The following SMAP1 variants were observed in gnomAD, a reference collection of about 807,000 sequenced individuals.
SMAP1 encodes small ArfGAP 1.
A neutral mutation model predicts 58.5 loss-of-function variants in SMAP1; 24 were observed. The observed-to-expected ratio is 0.41, with a 90% CI of 0.30 to 0.58. The LOEUF is 0.58. Among genes scored for constraint, SMAP1 ranks in the 20% least tolerant of loss-of-function variants. The probability of loss-of-function intolerance (pLI) is 0.29; values close to 1 mark genes in which losing one functional copy is unlikely to be tolerated. For missense variants in SMAP1, 563 were observed against 566.3 expected, an observed-to-expected ratio of 0.99 and a Z score of 0.06; for synonymous variants, 216 against 196.6, an observed-to-expected ratio of 1.10 and a Z score of -0.82.
intron 3 of SMAP1, among the ~76,000 whole-genome samples, chr6:70,758,460 T>G (rs1018552516): frequency 6.6e-6 from 1 of 151,554 alleles, no homozygotes; most frequent in Non-Finnish European, 1.5e-5. Flanking sequence ...GCATGGCACA[T>G]GTATACATAT....
chr6:70,708,551 A>G (rs943027092), intron 1 of SMAP1, among the ~76,000 whole-genome samples: 16 of 152,182 alleles, frequency 1.1e-4, no homozygotes, highest in Admixed American at 2.6e-4. Context: ...ACTCCTTTCC[A>G]TAATAGCTGT....
chr6:70,830,898 A>T (rs1770331278), intron 6 of SMAP1, among the ~76,000 whole-genome samples: 1 of 152,228 alleles, frequency 6.6e-6, no homozygotes. Context: ...CAGGATTTTT[A>T]GCATGTACAC....
intron 4 of SMAP1, among the ~76,000 whole-genome samples, chr6:70,779,013 G>A (rs1481066043): frequency 6.6e-6 from 1 of 152,244 alleles, no homozygotes; most frequent in Non-Finnish European, 1.5e-5. Flanking sequence ...ATTTGCATTG[G>A]TGTCCCAGGC....
chr6:70,769,214 A>G lies in SMAP1; in HGVS notation c.339-4136A>G, dbSNP rs546327698. Among the ~76,000 whole-genome samples the G allele has an allele frequency of 3.9e-3, 590 of 152,254 alleles. 6 individuals are homozygous for G. The highest frequency in any genetic ancestry group is 0.014 in the African/African-American group (572 of 41,548). On this transcript the variant is annotated intron_variant, in intron 3 of 10. Transcript: ENST00000370455. ...AATAGGTGTGGTGTGGTGCTGAAAA[A>G]AATGTATATTCTGTTGATCTGGGGT...
Position 70,715,051 on chromosome 6 carries a change from A to G in SMAP1, c.119-17327A>G, listed in dbSNP as rs537696990. ...ATCCTCTCTGTCTTTAATTTTTGAC[A>G]ATTTGATGATAATGTATTGTCTCTG... On this transcript the variant is annotated intron_variant, in intron 1 of 10. Coordinates refer to ENST00000370455, the MANE Select transcript of SMAP1 (RefSeq NM_001044305.3). 5.9e-4 allele frequency among the ~76,000 whole-genome samples: 89 copies of G among 149,822 alleles called. 1 individual carries two copies. The highest frequency in any genetic ancestry group is 2.2e-3 in the African/African-American group (89 of 40,940).
intron 1 of SMAP1, chr6:70,694,310 G>C (rs905836057): frequency 3.0e-5 from 5 of 168,494 alleles, no homozygotes; most frequent in South Asian, 1.5e-4. Context: ...CAGCAGATCA[G>C]ATTATATCTT....
At chr6:70,855,147 G>GC (rs1771359978) in intron 8 of SMAP1, among the ~76,000 whole-genome samples, 1 of 148,244 alleles carries the variant, frequency 6.7e-6, no homozygotes. Flanking sequence ...GCTAAGTCCT[G>GC]TTTTTTCTTG....
chr6:70,738,357 G>A (rs775842557), intron 2 of SMAP1, among the ~76,000 whole-genome samples: 7 of 151,880 alleles, frequency 4.6e-5, no homozygotes, highest in Non-Finnish European at 7.4e-5. Context: ...AGTCAAAAGA[G>A]TGTGAAAAGA....
intron 6 of SMAP1, among the ~76,000 whole-genome samples, chr6:70,821,201 A>C (rs1769875557): frequency 6.6e-6 from 1 of 152,180 alleles, no homozygotes; most frequent in Non-Finnish European, 1.5e-5. Flanking sequence ...GTTTCATGTA[A>C]ATGTAATCAT....
chr6:70,724,069 C>T (rs1010883133), intron 1 of SMAP1, among the ~76,000 whole-genome samples: 1 of 150,448 alleles, frequency 6.6e-6, no homozygotes, highest in African/African-American at 2.4e-5. Flanking sequence ...AGTCTTGTTT[C>T]AGACAAATTT....
chr6:70,785,467 GA>G (rs1376347551), intron 4 of SMAP1, among the ~76,000 whole-genome samples: 3 of 152,166 alleles, frequency 2.0e-5, no homozygotes, highest in Admixed American at 2.0e-4. Flanking sequence ...AGAACTGAAG[GA>G]AATAGAGACA....
chr6:70,752,873 C>T (rs1304449029), intron 2 of SMAP1, among the ~76,000 whole-genome samples: 1 of 152,112 alleles, frequency 6.6e-6, no homozygotes, highest in Non-Finnish European at 1.5e-5. Context: ...TCCCAACTAA[C>T]AAACACATCC....
chr6:70,760,043 A>G (rs917598078), intron 3 of SMAP1: 4 of 232,780 alleles, frequency 1.7e-5, no homozygotes, highest in African/African-American at 9.0e-5. Context: ...TAAAGCCTCC[A>G]GACTTTCCCT....
chr6:70,749,602 A>G (rs1766191411), intron 2 of SMAP1, among the ~76,000 whole-genome samples: 1 of 152,100 alleles, frequency 6.6e-6, no homozygotes, highest in Non-Finnish European at 1.5e-5. Context: ...CTCATTTAAA[A>G]AAAAAACAAC....
chr6:70,701,507 A>G (rs1419813888), intron 1 of SMAP1, among the ~76,000 whole-genome samples: 2 of 152,158 alleles, frequency 1.3e-5, no homozygotes, highest in Non-Finnish European at 2.9e-5. Context: ...TTTAGCATGC[A>G]CTGGTGGGAC....
intron 3 of SMAP1, among the ~76,000 whole-genome samples, chr6:70,771,850 G>A (rs974756050): frequency 4.6e-5 from 7 of 152,148 alleles, no homozygotes; most frequent in African/African-American, 1.2e-4. Context: ...CGTCGCTCAC[G>A]CTGGGAGCTG....
At chr6:70,793,276 AC>A (rs1213547773) in intron 5 of SMAP1, among the ~76,000 whole-genome samples, 1 of 151,914 alleles carries the variant, frequency 6.6e-6, no homozygotes, top group African/African-American at 2.4e-5. Context: ...CTTGTGATCC[AC>A]CCGACTCGGG....
At chr6:70,801,913 T>C (rs1022474366) in intron 6 of SMAP1, among the ~76,000 whole-genome samples, 1 of 152,250 alleles carries the variant, frequency 6.6e-6, no homozygotes, top group Admixed American at 6.5e-5. Flanking sequence ...TTTTGGTTAC[T>C]GTAGCCTTGT....
chr6:70,739,984 T>C (rs1057253849), intron 2 of SMAP1, among the ~76,000 whole-genome samples: 2 of 152,170 alleles, frequency 1.3e-5, no homozygotes, highest in Non-Finnish European at 2.9e-5. Flanking sequence ...TTTAATTTTA[T>C]ATGTTTTTTC....
Sources: allele counts gnomAD v4.1 joint callset (sites outside exome capture counted in the v4.1 genomes callset), GRCh38; gene constraint gnomAD v4.1.1; transcripts MANE v1.5; gene names NCBI Gene and HGNC (gene_info 2026-07-23, HGNC 2026-07-21).